The following AKAP13 variants were observed in gnomAD, a reference collection of about 807,000 sequenced individuals.
The protein encoded by AKAP13 is A-kinase anchoring protein 13, also known as A-kinase anchor protein 13.
In AKAP13, 80 loss-of-function variants were observed where a neutral mutation model predicts 264.5. The observed-to-expected ratio is 0.30, with a 90% CI of 0.25 to 0.36. The LOEUF is 0.36. Among genes scored for constraint, AKAP13 ranks in the 10% least tolerant of loss-of-function variants. The pLI is 1.00. For missense variants in AKAP13, 3,712 were observed against 3,435.2 expected (o/e 1.08, Z -2.01); for synonymous variants, 1,380 against 1,250.2 (o/e 1.10, Z -2.19).
rs996498638 is a variant in AKAP13 at position 85,462,807 on chromosome 15, G to A, written c.-11-22903G>A. Among the ~76,000 whole-genome samples, 5 of 151,726 alleles carry A rather than the reference G, an allele frequency of 3.3e-5. No individual in the cohort carries two copies. In the South Asian group the frequency reaches 6.3e-4, roughly 19 times the overall value. On this transcript the variant is annotated intron_variant, in intron 1 of 36. Transcript: ENST00000394518. The stretch of plus-strand genomic sequence containing the variant: ...TGGGAGGCCGAGGCGGGCGGATCAC[G>A]AGGTCAGGAGATCGAGACCATCCCG...
At chr15:85,717,033 C>T (rs369339192) in intron 20 of AKAP13, 6 of 396,510 alleles carry the variant, frequency 1.5e-5, no homozygotes, top group South Asian at 6.9e-5. Context: ...GAAGAAAGTT[C>T]CCCTTGCTTC....
intron 1 of AKAP13, among the ~76,000 whole-genome samples, chr15:85,411,862 A>G (rs1202581919): frequency 5.3e-5 from 8 of 152,246 alleles, no homozygotes; most frequent in Non-Finnish European, 8.8e-5. Flanking sequence ...CTTTACTTCA[A>G]GGAAGTAGTG....
At chr15:85,384,696 G>A (rs563908166) in intron 1 of AKAP13, among the ~76,000 whole-genome samples, 1 of 148,374 alleles carries the variant, frequency 6.7e-6, no homozygotes, top group South Asian at 2.1e-4. Context: ...CAGTCTGGGC[G>A]ACAGAGCGAG....
chr15:85,426,721 G>A (rs911049251), intron 1 of AKAP13, among the ~76,000 whole-genome samples: 3 of 152,114 alleles, frequency 2.0e-5, no homozygotes, highest in Non-Finnish European at 2.9e-5. Context: ...AAGATCCTAA[G>A]TACAGAGAGA....
chr15:85,539,123 C>T (rs1370101059), intron 4 of AKAP13, among the ~76,000 whole-genome samples: 2 of 152,174 alleles, frequency 1.3e-5, no homozygotes, highest in African/African-American at 2.4e-5. Flanking sequence ...AGCCACTGTG[C>T]CTGGCCTGTG....
intron 3 of AKAP13, among the ~76,000 whole-genome samples, chr15:85,532,768 T>C (rs572146669): frequency 2.6e-5 from 4 of 152,362 alleles, no homozygotes; most frequent in African/African-American, 7.2e-5. Context: ...CTTGCTGACC[T>C]GTCTGCAGCC....
Position 85,730,575 on chromosome 15 carries a change from C to T in AKAP13, c.7150C>T (p.Arg2384Trp), listed in dbSNP as rs779871275. Reference protein sequence around the residue: ...LLLEEKEMIFRDMAECSTPLP... With the variant: ...LLLEEKEMIFWDMAECSTPLP... ...GTTGGAAGAGAAGGAGATGATTTTC[C>T]GGGACATGGCTGAGTGCAGCACCCC... Residue 2384 changes from arginine to tryptophan, a missense_variant, in exon 30 of 37, where the codon CGG becomes TGG. Physicochemically the swap from Arg to Trp is moderately radical, Grantham distance 101 (BLOSUM62 -3). This residue lies in a region of AKAP13 where 342 missense variants were observed against 484.3 expected (regional missense o/e 0.71). Transcript: ENST00000394518. The T allele has an allele frequency of 4.3e-6, 7 of 1,613,972 alleles. No homozygotes were observed. Among genetic ancestry groups the T allele is most frequent in the Admixed American group, 1.7e-5 (1 of 59,998 alleles).
chr15:85,692,378 CAT>C (rs1425982799), intron 16 of AKAP13, among the ~76,000 whole-genome samples: 2 of 152,050 alleles, frequency 1.3e-5, no homozygotes, highest in African/African-American at 4.8e-5. Flanking sequence ...TTTTAAAAAA[CAT>C]ATGAGATGGG....
At chr15:85,552,979 A>AATATCTAC (rs2078014458) in intron 5 of AKAP13, among the ~76,000 whole-genome samples, 1 of 152,130 alleles carries the variant, frequency 6.6e-6, no homozygotes, top group African/African-American at 2.4e-5. Context: ...GCCTAAATGG[A>AATATCTAC]ATATCTACAA....
chr15:85,699,416 C>T (rs1425675936), intron 17 of AKAP13, among the ~76,000 whole-genome samples: 1 of 151,024 alleles, frequency 6.6e-6, no homozygotes, highest in Non-Finnish European at 1.5e-5. Flanking sequence ...CGCACTTTAG[C>T]GTGCGCAACA....
At chr15:85,556,931 C>T (rs1021356638) in intron 5 of AKAP13, among the ~76,000 whole-genome samples, 1 of 152,172 alleles carries the variant, frequency 6.6e-6, no homozygotes, top group African/African-American at 2.4e-5. Context: ...TTTTAGAATA[C>T]ATACAGAGTA....
intron 6 of AKAP13, 147 bp downstream of exon 6, chr15:85,575,476 G>C (rs984859522): frequency 1.3e-6 from 1 of 756,208 alleles, no homozygotes; most frequent in Non-Finnish European, 2.2e-6. Context: ...GGCGGATCAC[G>C]AGGTCAGGAG....
chr15:85,465,573 T>C (rs2074704470), intron 1 of AKAP13, among the ~76,000 whole-genome samples: 1 of 145,642 alleles, frequency 6.9e-6, no homozygotes, highest in Non-Finnish European at 1.5e-5. Context: ...CATTGTTCAG[T>C]TCCCACCTAT....
chr15:85,696,341 A>G (rs762993751), intron 17 of AKAP13, among the ~76,000 whole-genome samples: 3 of 152,188 alleles, frequency 2.0e-5, no homozygotes, highest in Non-Finnish European at 2.9e-5. Context: ...TGCCCAGCCC[A>G]TCTCCTGAGT....
Position 85,581,125 on chromosome 15 carries a change from A to T in AKAP13, c.3057A>T (p.Pro1019=), listed in dbSNP as rs2079136418. The change falls in exon 7 of 37, where the codon CCA becomes CCT. Residue 1019 remains proline, a synonymous_variant. Coordinates refer to ENST00000394518, the MANE Select transcript of AKAP13 (RefSeq NM_007200.5). ...TQGGAAQSLV[P]PGASLATESR... Reference sequence around the variant, plus strand: ...GTGGGGCTGCCCAGAGCCTGGTGCCACCAGGAGCAAGTCTGGCCACAGAGT... The same window carrying T: ...GTGGGGCTGCCCAGAGCCTGGTGCCTCCAGGAGCAAGTCTGGCCACAGAGT... 1.9e-6 allele frequency: 3 copies of T among 1,613,858 alleles called. No individual in the cohort carries two copies. The highest frequency in any genetic ancestry group is 3.3e-5 in the Admixed American group (2 of 60,004).
At position 85,692,519 on chromosome 15, in the gene AKAP13, C is replaced by T. The variant is rs574201433; in HGVS notation, c.5290-758C>T. ...GTGATGGTGGTGGTGGTGGTGGTGG[C>T]AGTAGTGGTAGTAGTGGTAGTAGTA... On this transcript the variant is annotated intron_variant, in intron 16 of 36. Coordinates refer to ENST00000394518, the MANE Select transcript of AKAP13 (RefSeq NM_007200.5). Among the ~76,000 whole-genome samples, 4 of 148,154 alleles carry T rather than the reference C, an allele frequency of 2.7e-5. No individual in the cohort carries two copies. In the South Asian group the frequency reaches 8.8e-4, roughly 33 times the overall value.
chr15:85,395,238 A>G (rs2150817835), intron 1 of AKAP13, among the ~76,000 whole-genome samples: 1 of 152,216 alleles, frequency 6.6e-6, no homozygotes, highest in East Asian at 1.9e-4. Context: ...AATGAATGAG[A>G]ATCTGTTCTT....
At chr15:85,402,022 AGT>A (rs2071443795) in intron 1 of AKAP13, among the ~76,000 whole-genome samples, 1 of 152,254 alleles carries the variant, frequency 6.6e-6, no homozygotes, top group Non-Finnish European at 1.5e-5. Context: ...AATTTGGTTT[AGT>A]TTGCTGCCAA....
In AKAP13 at chr15:85,734,980, C is replaced by G. The variant is rs369084227; in HGVS notation, c.7283-12C>G. ...GATAAGATGTCAGCTTTGCATGTTT[C>G]CTTTATTCCAGTGGAGATCCTTCAG... is the stretch of plus-strand genomic sequence containing the variant. On this transcript the variant is annotated splice_polypyrimidine_tract_variant and intron_variant, in intron 30 of 36. Coordinates refer to ENST00000394518, the MANE Select transcript of AKAP13 (RefSeq NM_007200.5). The G allele has an allele frequency of 5.0e-5, 80 of 1,611,322 alleles. 1 individual carries two copies. In the African/African-American group the frequency reaches 1.0e-3, roughly 21 times the overall value.
Sources: allele counts gnomAD v4.1 joint callset (sites outside exome capture counted in the v4.1 genomes callset), GRCh38; gene constraint gnomAD v4.1.1; regional missense constraint gnomAD v4.1.1; transcripts MANE v1.5; gene names NCBI Gene and HGNC (gene_info 2026-07-23, HGNC 2026-07-21).